Variants in INPP4B observed in about 807,000 individuals in gnomAD.
INPP4B encodes inositol polyphosphate-4-phosphatase type II B, also known as inositol polyphosphate 4-phosphatase type II.
A neutral mutation model predicts 122.5 loss-of-function variants in INPP4B; 55 were observed. That is an observed-to-expected ratio of 0.45 (90% CI 0.36 to 0.56). The LOEUF (loss-of-function observed/expected upper bound fraction) is 0.56, where lower values mean the gene tolerates loss of function less well. Ranked by LOEUF, INPP4B falls within the 20% of genes least tolerant of loss-of-function variation. The pLI, the probability that INPP4B is intolerant of heterozygous loss-of-function variation, is 0.00. For synonymous variants in INPP4B, 403 were observed against 388.7 expected, an observed-to-expected ratio of 1.04 and a Z score of -0.43; for missense variants, 1,000 against 1,097.7, an observed-to-expected ratio of 0.91 and a Z score of 1.26.
intron 3 of INPP4B, among the ~76,000 whole-genome samples, chr4:142,436,062 C>T (rs541002486): frequency 6.6e-6 from 1 of 152,330 alleles, no homozygotes; most frequent in South Asian, 2.1e-4. Flanking sequence ...ACACTTTACC[C>T]CTGCTGAAGC....
At chr4:142,527,363 C>T (rs1827060795) in intron 2 of INPP4B, among the ~76,000 whole-genome samples, 1 of 151,816 alleles carries the variant, frequency 6.6e-6, no homozygotes, top group Admixed American at 6.6e-5. Flanking sequence ...TACACACACA[C>T]ATATATGCAT....
chr4:142,354,794 A>C (rs1471580480), intron 7 of INPP4B, among the ~76,000 whole-genome samples: 1 of 152,024 alleles, frequency 6.6e-6, no homozygotes, highest in Admixed American at 6.6e-5. Context: ...CATATTCCAG[A>C]GATTAGGGAG....
intron 7 of INPP4B, among the ~76,000 whole-genome samples, chr4:142,340,466 G>A (rs1167133629): frequency 6.6e-6 from 1 of 151,896 alleles, no homozygotes; most frequent in African/African-American, 2.4e-5. Context: ...GGAGTATAGT[G>A]GCACAATCAT....
At chr4:142,427,385 A>G in intron 5 of INPP4B, 3 of 478,754 alleles carry the variant, frequency 6.3e-6, no homozygotes, top group Non-Finnish European at 1.1e-5. Flanking sequence ...TTAAAAATAT[A>G]TATAAAAAAA....
chr4:142,431,106 A>G, intron 4 of INPP4B, 63 bp downstream of exon 4: 1 of 1,198,404 alleles, frequency 8.3e-7, no homozygotes, highest in Non-Finnish European at 1.2e-6. Flanking sequence ...TGTATGTGTA[A>G]GTTTCATCGG....
chr4:142,641,350 A>G (rs1225744697), intron 2 of INPP4B, among the ~76,000 whole-genome samples: 1 of 152,038 alleles, frequency 6.6e-6, no homozygotes, highest in Non-Finnish European at 1.5e-5. Flanking sequence ...TACATGTGCC[A>G]TGTAGGTGTG....
intron 2 of INPP4B, among the ~76,000 whole-genome samples, chr4:142,629,645 T>C (rs1460602337): frequency 6.6e-6 from 1 of 151,906 alleles, no homozygotes; most frequent in East Asian, 1.9e-4. Flanking sequence ...TATAGAGCCA[T>C]GAAAAAACAT....
intron 2 of INPP4B, among the ~76,000 whole-genome samples, chr4:142,515,682 G>A (rs1053303387): frequency 5.9e-5 from 9 of 152,136 alleles, no homozygotes; most frequent in African/African-American, 2.2e-4. Flanking sequence ...GAGCCAGAAG[G>A]CTCCTTCTTT....
chr4:142,793,180 A>C (rs555204644), intron 1 of INPP4B, among the ~76,000 whole-genome samples: 1 of 152,260 alleles, frequency 6.6e-6, no homozygotes, highest in East Asian at 1.9e-4. Flanking sequence ...TTTTGCTTCT[A>C]GTAACTGCCC....
intron 11 of INPP4B, among the ~76,000 whole-genome samples, chr4:142,254,215 T>A (rs1486314361): frequency 4.6e-5 from 7 of 152,042 alleles, no homozygotes; most frequent in Non-Finnish European, 8.8e-5. Flanking sequence ...CATCACCATC[T>A]TCAAAGACCA....
At position 142,421,303 on chromosome 4, in the gene INPP4B, C is replaced by T. The variant is rs1433554779; in HGVS notation, c.136+7870G>A. 2.0e-4 allele frequency among the ~76,000 whole-genome samples: 30 copies of T among 152,056 alleles called. 1 individual carries two copies. Among genetic ancestry groups the T allele is most frequent in the Admixed American group, 2.0e-3 (30 of 15,258 alleles). On this transcript the variant is annotated intron_variant, in intron 5 of 25. Transcript: ENST00000262992. ...CGATGCTCTCAAAATTGACATAGCT[C>T]AAAGAAAGGCTCAATGGGAAAATTA...
intron 16 of INPP4B, among the ~76,000 whole-genome samples, chr4:142,168,649 C>T (rs551500132): frequency 2.0e-5 from 3 of 151,684 alleles, no homozygotes; most frequent in East Asian, 1.9e-4. Context: ...AAACTATTCC[C>T]GGGCCTGTGT....
At chr4:142,332,552 G>A (rs911705452) in intron 7 of INPP4B, among the ~76,000 whole-genome samples, 6 of 151,974 alleles carry the variant, frequency 3.9e-5, no homozygotes, top group African/African-American at 1.4e-4. Context: ...AAAGGAAAAG[G>A]GGTGTTTGAG....
intron 19 of INPP4B, 83 bp from the exon 20 acceptor site, chr4:142,123,498 A>G: frequency 7.3e-7 from 1 of 1,372,484 alleles, no homozygotes; most frequent in South Asian, 1.4e-5. Context: ...CTTCTGAGGC[A>G]TCACAGATTC....
chr4:142,147,693 C>T (rs991097688), intron 17 of INPP4B, among the ~76,000 whole-genome samples: 31 of 152,192 alleles, frequency 2.0e-4, no homozygotes, highest in African/African-American at 6.8e-4. Flanking sequence ...GCTTTCCCCT[C>T]ACACTGTAAC....
rs549934804 is a variant in INPP4B at position 142,512,966 on chromosome 4, T to C, written c.-190-50240A>G. Among the ~76,000 whole-genome samples the C allele has an allele frequency of 2.0e-5, 3 of 152,354 alleles. No homozygotes were observed. The South Asian group carries it at 6.2e-4, about 32-fold the overall frequency. ...ATCAAATATGTACACAAAATCATGC[T>C]GAATTAAAAATTTGACATATAGCTT... On this transcript the variant is annotated intron_variant, in intron 2 of 25. Transcript: ENST00000262992.
intron 7 of INPP4B, among the ~76,000 whole-genome samples, chr4:142,401,163 A>G (rs1156738539): frequency 6.6e-6 from 1 of 151,396 alleles, no homozygotes; most frequent in Non-Finnish European, 1.5e-5. Flanking sequence ...TGCATCACCC[A>G]CTCCCACCTT....
chr4:142,722,832 C>G (rs1316808454), intron 2 of INPP4B, among the ~76,000 whole-genome samples: 1 of 152,100 alleles, frequency 6.6e-6, no homozygotes, highest in East Asian at 1.9e-4. Flanking sequence ...TAGCCTTAAA[C>G]TATTTCTAAC....
At chr4:142,568,153 C>T (rs1560811422) in intron 2 of INPP4B, among the ~76,000 whole-genome samples, 1 of 148,864 alleles carries the variant, frequency 6.7e-6, no homozygotes, top group African/African-American at 2.5e-5. Context: ...TTTTTTTATT[C>T]TTTTTTTTTT....
Sources: allele counts gnomAD v4.1 joint callset (sites outside exome capture counted in the v4.1 genomes callset), GRCh38; gene constraint gnomAD v4.1.1; transcripts MANE v1.5; gene names NCBI Gene and HGNC (gene_info 2026-07-23, HGNC 2026-07-21).